GPR107: variants seen among roughly 807,000 people sequenced by gnomAD.
GPR107 encodes the protein protein GPR107.
GPR107 carries 31 observed loss-of-function variants against 75.5 expected under a neutral mutation model. The observed-to-expected ratio is 0.41, with a 90% CI of 0.31 to 0.55. GPR107 has a LOEUF of 0.55. GPR107 is among the 20% of genes least tolerant of loss of function. The pLI is 0.26. For synonymous variants in GPR107, 267 were observed against 251.3 expected, an observed-to-expected ratio of 1.06 and a Z score of -0.59; for missense variants, 572 against 665.7, an observed-to-expected ratio of 0.86 and a Z score of 1.55.
intron 1 of GPR107, among the ~76,000 whole-genome samples, chr9:130,075,044 A>G (rs1314253842): frequency 1.3e-5 from 2 of 151,744 alleles, no homozygotes; most frequent in East Asian, 1.9e-4. Context: ...ACCCATACCA[A>G]TGCATTGGAG....
chr9:130,085,548 T>G (rs1405095902), intron 6 of GPR107, among the ~76,000 whole-genome samples: 1 of 150,284 alleles, frequency 6.7e-6, no homozygotes, highest in East Asian at 2.0e-4. Context: ...AAAAATTTCT[T>G]CTGCCTTTTT....
chr9:130,128,750 A>T lies in GPR107; in HGVS notation c.1551A>T (p.Glu517Asp). The T allele has an allele frequency of 6.2e-7, 1 of 1,613,810 alleles. No homozygotes were observed. Among genetic ancestry groups the T allele is most frequent in the Non-Finnish European group, 8.5e-7 (1 of 1,179,674 alleles). Residue 517 changes from glutamate to aspartate, a missense_variant, in exon 17 of 18, where the codon GAA (glutamate) becomes GAT (aspartate). Glu to Asp is a conservative substitution (Grantham distance 45, BLOSUM62 2). Transcript: ENST00000347136. ...LQLSQEEEDL[E>D]MESVVTTSGV... The stretch of plus-strand genomic sequence containing the variant: ...TTTCTCAGGAAGAAGAAGACTTGGA[A>T]ATGGAGTCCGTGTAAGAAATCTTTC...
chr9:130,060,510 C>G (rs566256191), intron 1 of GPR107, among the ~76,000 whole-genome samples: 75 of 149,908 alleles, frequency 5.0e-4, no homozygotes, highest in African/African-American at 1.8e-3. Flanking sequence ...GCCTCCAACT[C>G]CTGGGCTCAA....
chr9:130,059,733 C>CTTTT (rs61429853), intron 1 of GPR107, among the ~76,000 whole-genome samples: 13 of 144,566 alleles, frequency 9.0e-5, no homozygotes, highest in African/African-American at 3.4e-4. Context: ...GTTAATACGT[C>CTTTT]TTTTTTTTTT....
chr9:130,082,384 G>A (rs563038424), intron 5 of GPR107, among the ~76,000 whole-genome samples: 18 of 151,960 alleles, frequency 1.2e-4, no homozygotes, highest in African/African-American at 2.2e-4. Context: ...TCATATCACC[G>A]TTCTCTGGGA....
chr9:130,087,973 G>C (rs1246151285), intron 7 of GPR107, among the ~76,000 whole-genome samples: 1 of 152,070 alleles, frequency 6.6e-6, no homozygotes, highest in Non-Finnish European at 1.5e-5. Context: ...GCACTGTTCT[G>C]ATTTCTTTTT....
chr9:130,120,097 C>A (rs1356805448), intron 14 of GPR107, among the ~76,000 whole-genome samples: 1 of 152,218 alleles, frequency 6.6e-6, no homozygotes, highest in Non-Finnish European at 1.5e-5. Flanking sequence ...CATGAGCCAG[C>A]CTGCTGGGTT....
chr9:130,107,529 A>G lies in GPR107; in HGVS notation c.1296A>G (p.Thr432=), dbSNP rs1413255620. 2 of 1,597,244 alleles carry G rather than the reference A, an allele frequency of 1.3e-6. No individual in the cohort carries two copies. ...SIRHLQEASA[T]DGKAAINLAK... ...GACATTTACAAGAAGCATCAGCAAC[A>G]GATGGAAAAGGCAAGTTCTCTCGTG... The change falls in exon 14 of 18, where the codon ACA becomes ACG. Residue 432 remains threonine (T), a synonymous_variant. Transcript: ENST00000347136.
chr9:130,087,367 T>C (rs965028941), intron 7 of GPR107, among the ~76,000 whole-genome samples: 7 of 151,946 alleles, frequency 4.6e-5, no homozygotes, highest in Non-Finnish European at 1.0e-4. Context: ...CACTGTTTAA[T>C]CATCTAAAAA....
rs536009960 is a variant in GPR107 at position 130,116,547 on chromosome 9, G to A, written c.1307-8368G>A. On this transcript the variant is annotated intron_variant, in intron 14 of 17. Coordinates refer to ENST00000347136, the MANE Select transcript of GPR107 (RefSeq NM_020960.5). Reference sequence around the variant, plus strand: ...CGCCTCAGCCCAGCTGCAGGGTTGCGTCCCAAGTCTCACTGGCATAGCTCA... The same window carrying A: ...CGCCTCAGCCCAGCTGCAGGGTTGCATCCCAAGTCTCACTGGCATAGCTCA... Among the ~76,000 whole-genome samples the A allele has an allele frequency of 5.3e-5, 8 of 152,318 alleles. No individual in the cohort carries two copies. In the East Asian group the frequency reaches 5.8e-4, roughly 11 times the overall value.
rs11461385 is a variant in GPR107 at position 130,125,090 on chromosome 9, C to CTTTTTT, written c.1356+144_1356+149dup. The CTTTTTT allele has an allele frequency of 3.0e-3, 467 of 157,812 alleles. 12 individuals are homozygous for CTTTTTT. Among genetic ancestry groups the CTTTTTT allele is most frequent in the Middle Eastern group, 5.9e-3 (2 of 340 alleles). 9.8% of individuals were successfully genotyped at this position (157,812 alleles called of 1,614,324 possible). On this transcript the variant is annotated intron_variant, in intron 15 of 17. Transcript: ENST00000347136. ...ACCTGGAGCTGAGCAGTGTGGCTTG[C>CTTTTTT]TTTTTTTTTTTTTTTTTTTTTTTCT... is the stretch of plus-strand genomic sequence containing the variant.
intron 1 of GPR107, among the ~76,000 whole-genome samples, chr9:130,063,516 A>T (rs966923386): frequency 1.3e-4 from 20 of 152,026 alleles, no homozygotes; most frequent in Non-Finnish European, 2.5e-4. Context: ...ATTATTTAAA[A>T]TTTTTTTCAG....
chr9:130,060,793 C>T (rs1829911555), intron 1 of GPR107, among the ~76,000 whole-genome samples: 1 of 152,160 alleles, frequency 6.6e-6, no homozygotes, highest in South Asian at 2.1e-4. Flanking sequence ...AACTCAAATA[C>T]TCTAGACTTT....
chr9:130,088,816 A>T (rs1209893810), intron 7 of GPR107, among the ~76,000 whole-genome samples: 1 of 152,182 alleles, frequency 6.6e-6, no homozygotes, highest in Admixed American at 6.5e-5. Context: ...AAAATACAAA[A>T]GGCACTTTTC....
chr9:130,062,660 G>T (rs10819594), intron 1 of GPR107, among the ~76,000 whole-genome samples: 5,736 of 68,974 alleles, frequency 0.083, 136 homozygotes, highest in African/African-American at 0.099. Context: ...CTGCCTGCCT[G>T]CCTTCCTTCC....
intron 9 of GPR107, among the ~76,000 whole-genome samples, chr9:130,096,411 C>T (rs887377783): frequency 1.3e-5 from 2 of 152,062 alleles, no homozygotes; most frequent in Admixed American, 6.6e-5. Context: ...TGTCCCCTCT[C>T]CCACTCCTTC....
intron 17 of GPR107, chr9:130,130,069 T>A (rs1046692246): frequency 6.6e-6 from 1 of 152,246 alleles, no homozygotes; most frequent in Non-Finnish European, 1.5e-5. Flanking sequence ...AGCTGCCCTC[T>A]GTGCAGCCAT....
intron 1 of GPR107, among the ~76,000 whole-genome samples, chr9:130,057,857 G>A (rs1477112431): frequency 6.9e-6 from 1 of 145,888 alleles, no homozygotes; most frequent in African/African-American, 2.5e-5. Context: ...TTGAGACAGA[G>A]TTTTGCTCTG....
chr9:130,137,113 C>T lies in GPR107; in HGVS notation c.*1992C>T, dbSNP rs184382587. On this transcript the variant is annotated 3_prime_UTR_variant, in exon 18 of 18. Coordinates refer to ENST00000347136, the MANE Select transcript of GPR107 (RefSeq NM_020960.5). ...TCAGAGGGACACATTTGCTGTTTCT[C>T]CCGCAAGCAGATGTTGTGGATGAGG... 102 of 152,348 alleles carry T rather than the reference C, an allele frequency of 6.7e-4. No individual in the cohort carries two copies. The highest frequency in any genetic ancestry group is 2.3e-3 in the African/African-American group (97 of 41,578). 9.4% of individuals were successfully genotyped at this position (152,348 alleles called of 1,614,324 possible). A position where few individuals can be genotyped will look rare whatever the true frequency, so the allele number is the denominator to read the frequency against.
Sources: gnomAD v4.1 joint callset for allele counts (sites outside exome capture counted in the v4.1 genomes callset) on GRCh38, gnomAD v4.1.1 for gene constraint, MANE v1.5 for transcripts, NCBI Gene and HGNC (gene_info 2026-07-23, HGNC 2026-07-21) for gene names.